Variants in ZDHHC20 observed in about 807,000 individuals in gnomAD.
ZDHHC20 encodes the protein zDHHC palmitoyltransferase 20, also known as palmitoyltransferase ZDHHC20.
In ZDHHC20, 43 loss-of-function variants were observed where a neutral mutation model predicts 57.8. That is an observed-to-expected ratio of 0.74 (90% CI 0.58 to 0.96). The LOEUF (loss-of-function observed/expected upper bound fraction) is 0.96, where lower values mean the gene tolerates loss of function less well. Ranked by LOEUF, ZDHHC20 falls within the 40% of genes least tolerant of loss-of-function variation. The pLI is 0.00. For missense variants in ZDHHC20, 391 were observed against 441.1 expected, an observed-to-expected ratio of 0.89 and a Z score of 1.02; for synonymous variants, 157 against 153.0, an observed-to-expected ratio of 1.03 and a Z score of -0.19.
intron 4 of ZDHHC20, among the ~76,000 whole-genome samples, chr13:21,403,597 T>G (rs1475509982): frequency 6.6e-6 from 1 of 152,134 alleles, no homozygotes; most frequent in Non-Finnish European, 1.5e-5. Flanking sequence ...ATTGGGGAAT[T>G]GTAATTTTAG....
chr13:21,400,320 G>A (rs1395889999), intron 7 of ZDHHC20, 53 bp downstream of exon 7: 1 of 1,466,730 alleles, frequency 6.8e-7, no homozygotes, highest in East Asian at 2.4e-5. Flanking sequence ...TTATTAGGAA[G>A]ATAGCATCTT....
intron 5 of ZDHHC20, 24 bp from the exon 6 acceptor site, chr13:21,401,709 A>C: frequency 1.3e-6 from 2 of 1,486,170 alleles, no homozygotes; most frequent in Non-Finnish European, 1.8e-6. Flanking sequence ...AAGCATAAGA[A>C]AATCCATGCA....
chr13:21,451,375 T>A (rs549387750), intron 1 of ZDHHC20, among the ~76,000 whole-genome samples: 2 of 152,310 alleles, frequency 1.3e-5, no homozygotes, highest in Admixed American at 1.3e-4. Context: ...GTTATATTAA[T>A]TTAAAGTCTA....
chr13:21,418,132 C>T (rs903455831), intron 3 of ZDHHC20, among the ~76,000 whole-genome samples: 6 of 152,154 alleles, frequency 3.9e-5, no homozygotes, highest in South Asian at 2.1e-4. Context: ...CAGAATGCAA[C>T]GTAAATATCC....
chr13:21,382,794 TTC>T (rs1287127564), intron 10 of ZDHHC20, 124 bp downstream of exon 10: 3 of 760,300 alleles, frequency 3.9e-6, no homozygotes, highest in Non-Finnish European at 6.1e-6. Context: ...AAATTTAAAT[TTC>T]TCTTTCCCTA....
chr13:21,447,544 G>A (rs1238186770), intron 1 of ZDHHC20, among the ~76,000 whole-genome samples: 4 of 147,348 alleles, frequency 2.7e-5, no homozygotes, highest in Admixed American at 6.9e-5. Context: ...TTGGCCTCCC[G>A]AGGTGCCGGG....
chr13:21,389,658 G>C (rs1053800803), intron 8 of ZDHHC20, among the ~76,000 whole-genome samples: 5 of 152,144 alleles, frequency 3.3e-5, no homozygotes, highest in African/African-American at 1.2e-4. Context: ...GGCTGGGCAG[G>C]AAACAAAGAA....
chr13:21,454,947 G>A (rs2138075552), intron 1 of ZDHHC20, among the ~76,000 whole-genome samples: 1 of 151,938 alleles, frequency 6.6e-6, no homozygotes, highest in South Asian at 2.1e-4. Context: ...TTGAGACAGA[G>A]TCTCGCTCTG....
At chr13:21,448,364 A>G (rs1321581075) in intron 1 of ZDHHC20, among the ~76,000 whole-genome samples, 9 of 66,916 alleles carry the variant, frequency 1.3e-4, no homozygotes, top group Admixed American at 1.5e-4. Flanking sequence ...TCCGGGAGGG[A>G]GGTGGGGGGT....
intron 12 of ZDHHC20, among the ~76,000 whole-genome samples, chr13:21,378,315 C>T (rs1463938661): frequency 6.6e-6 from 1 of 152,174 alleles, no homozygotes; most frequent in African/African-American, 2.4e-5. Context: ...CCACCTTGAA[C>T]TCCCAAAGTG....
chr13:21,382,016 G>A, intron 10 of ZDHHC20: 2 of 473,878 alleles, frequency 4.2e-6, no homozygotes, highest in South Asian at 1.5e-5. Flanking sequence ...AGGGAGGGAG[G>A]GAATGGAGGA....
At position 21,391,765 on chromosome 13, in the gene ZDHHC20, G is replaced by A. The variant is rs1281401986; in HGVS notation, c.684C>T (p.Phe228=). ...TTCCAACTAGCCAGCAGTGGTAGCT[G>A]AAAAGTGAGAGGACGCTGATGAAGA... ...AMFFISVLSL[F]SYHCWLVGKN... Residue 228 remains phenylalanine, a synonymous_variant, in exon 8 of 13, where the codon TTC becomes TTT. Coordinates refer to ENST00000400590, the MANE Select transcript of ZDHHC20 (RefSeq NM_001330059.2). 1.9e-6 allele frequency: 3 copies of A among 1,612,422 alleles called. No individual in the cohort carries two copies. Among genetic ancestry groups the A allele is most frequent in the Non-Finnish European group, 2.5e-6 (3 of 1,179,704 alleles).
rs1458210659 is a variant in ZDHHC20 at position 21,381,439 on chromosome 13, T to C, written c.1055A>G (p.Lys352Arg). 12 of 1,612,886 alleles carry C rather than the reference T, an allele frequency of 7.4e-6. No individual in the cohort carries two copies. The highest frequency in any genetic ancestry group is 2.2e-5 in the East Asian group (1 of 44,884). ...TTTCAAATGAGAACTATTACCTGAT[T>C]TGACGATGCCTTCTTCAGCTCCATT... ...LENGAEEGIVKSGTNNHVTVA... is the reference protein window; with the variant it reads ...LENGAEEGIVRSGTNNHVTVA... Residue 352 changes from lysine to arginine, a missense_variant, in exon 11 of 13, where the codon AAA (lysine) becomes AGA (arginine). Lys to Arg is a conservative substitution (Grantham distance 26). This residue lies in a region of ZDHHC20 where 197 missense variants were observed against 220.8 expected (regional missense o/e 0.89). Transcript: ENST00000400590.
At chr13:21,430,444 A>G (rs766732620) in intron 1 of ZDHHC20, among the ~76,000 whole-genome samples, 2 of 151,962 alleles carry the variant, frequency 1.3e-5, no homozygotes, top group Non-Finnish European at 2.9e-5. Context: ...ATGAAAATCT[A>G]GGCTCCTGAC....
At chr13:21,396,280 T>C (rs1045482051) in intron 7 of ZDHHC20, among the ~76,000 whole-genome samples, 1 of 152,148 alleles carries the variant, frequency 6.6e-6, no homozygotes, top group Non-Finnish European at 1.5e-5. Context: ...AAAACCTACA[T>C]TGTAAAACAC....
rs142771932 is a variant in ZDHHC20, at chr13:21,445,093, G to A, written c.118+13961C>T. On this transcript the variant is annotated intron_variant, in intron 1 of 12. Coordinates refer to ENST00000400590, the MANE Select transcript of ZDHHC20 (RefSeq NM_001330059.2). ...ACACACACACATACATGTTTTACAT[G>A]TATGTTTTATATATTTATATATATA... Among the ~76,000 whole-genome samples, 1,188 of 151,820 alleles carry A rather than the reference G, an allele frequency of 7.8e-3. 16 individuals carry two copies. Among genetic ancestry groups the A allele is most frequent in the African/African-American group, 0.027 (1,134 of 41,346 alleles).
intron 10 of ZDHHC20, among the ~76,000 whole-genome samples, chr13:21,382,373 T>G (rs1409197798): frequency 6.6e-6 from 1 of 152,254 alleles, no homozygotes; most frequent in Non-Finnish European, 1.5e-5. Flanking sequence ...CAGAAGTATC[T>G]CTAGCTTCTT....
At chr13:21,456,922 T>G (rs1462351204) in intron 1 of ZDHHC20, among the ~76,000 whole-genome samples, 1 of 152,158 alleles carries the variant, frequency 6.6e-6, no homozygotes, top group Non-Finnish European at 1.5e-5. Flanking sequence ...CTTACTGAAG[T>G]TATATGAAAG....
At chr13:21,442,946 C>T (rs1370861417) in intron 1 of ZDHHC20, among the ~76,000 whole-genome samples, 1 of 152,124 alleles carries the variant, frequency 6.6e-6, no homozygotes, top group Non-Finnish European at 1.5e-5. Context: ...ATTGTTCATG[C>T]TGAGTTACAC....
Sources: gnomAD v4.1 joint callset for allele counts (sites outside exome capture counted in the v4.1 genomes callset) on GRCh38, gnomAD v4.1.1 for gene constraint, gnomAD v4.1.1 regional missense constraint, MANE v1.5 for transcripts, NCBI Gene and HGNC (gene_info 2026-07-23, HGNC 2026-07-21) for gene names.